TEF: variants seen among roughly 807,000 people sequenced by gnomAD.
TEF encodes TEF transcription factor, PAR bZIP family member, also known as thyrotroph embryonic factor.
In TEF, 3 loss-of-function variants were observed where a neutral mutation model predicts 20.8. The observed-to-expected ratio is 0.14, with a 90% confidence interval of 0.07 to 0.37. The LOEUF (loss-of-function observed/expected upper bound fraction) is 0.37, where lower values mean the gene tolerates loss of function less well. Among genes scored for constraint, TEF ranks in the 10% least tolerant of loss-of-function variants. TEF has a pLI of 1.00. For missense variants in TEF, 296 were observed against 397.9 expected, an observed-to-expected ratio of 0.74 and a Z score of 2.18; for synonymous variants, 180 against 171.1, an observed-to-expected ratio of 1.05 and a Z score of -0.41.
At chr22:41,367,481 G>GC (rs1277760118) in exon 1 of TEF, 2 of 1,531,800 alleles carry the variant, frequency 1.3e-6, no homozygotes. Context: ...CCTGGAGCAA[G>GC]CACCTCCTGC....
intron 1 of TEF, 93 bp from the exon 2 acceptor site, chr22:41,387,257 GA>G (rs2037109063): frequency 1.4e-6 from 2 of 1,389,548 alleles, no homozygotes; most frequent in African/African-American, 1.4e-5. Context: ...GGGGCTCTGA[GA>G]AAGATGGGCC....
At chr22:41,372,573 C>T (rs543322879) in intron 1 of TEF, among the ~76,000 whole-genome samples, 11 of 152,264 alleles carry the variant, frequency 7.2e-5, no homozygotes, top group South Asian at 2.1e-4. Context: ...ACACCAGGCT[C>T]GTGTCTACCC....
At chr22:41,385,605 A>G (rs1259276110) in intron 1 of TEF, among the ~76,000 whole-genome samples, 2 of 152,200 alleles carry the variant, frequency 1.3e-5, no homozygotes, top group Non-Finnish European at 2.9e-5. Context: ...AAGCTAAGGT[A>G]TCAGGAAAGG....
intron 1 of TEF, among the ~76,000 whole-genome samples, chr22:41,383,502 T>C (rs900957635): frequency 6.6e-6 from 1 of 152,224 alleles, no homozygotes; most frequent in Non-Finnish European, 1.5e-5. Flanking sequence ...GACATCATCT[T>C]ATTTCATTAA....
upstream of TEF, among the ~76,000 whole-genome samples, chr22:41,378,165 C>CTTTT (rs1227353344): frequency 1.2e-4 from 11 of 89,446 alleles, no homozygotes; most frequent in African/African-American, 3.4e-4. Context: ...CCTTAGCTTC[C>CTTTT]TTTTTTTTTT....
upstream of TEF, among the ~76,000 whole-genome samples, chr22:41,379,412 C>T (rs1601815318): frequency 6.6e-6 from 1 of 152,062 alleles, no homozygotes; most frequent in African/African-American, 2.4e-5. Flanking sequence ...GAGGCTGAGG[C>T]AGGAGAATCG....
At position 41,393,730 on chromosome 22, in the gene TEF, G is replaced by A. The variant is rs563275958; in HGVS notation, c.476-366G>A. 5.0e-5 allele frequency among the ~76,000 whole-genome samples: 7 copies of A among 139,556 alleles called. No homozygotes were observed. In the South Asian group the frequency reaches 6.7e-4, roughly 13 times the overall value. The allele number at this position is 139,556 out of a possible 152,430, so 91.6% of individuals were successfully genotyped here. A position where few individuals can be genotyped will look rare whatever the true frequency, so the allele number is the denominator to read the frequency against. ...GGAGCTTGCAATGAGCCGAGATTGC[G>A]CCACTGCACTCCAGCCTGGGCGACA... On this transcript the variant is annotated intron_variant, in intron 2 of 3. Coordinates refer to ENST00000266304, the MANE Select transcript of TEF (RefSeq NM_003216.4).
intron 1 of TEF, among the ~76,000 whole-genome samples, chr22:41,369,548 A>C (rs2036856306): frequency 6.6e-6 from 1 of 152,184 alleles, no homozygotes; most frequent in African/African-American, 2.4e-5. Flanking sequence ...ACTCACAATG[A>C]CTGCAGCACA....
chr22:41,394,104 C>T lies in TEF; in HGVS notation c.484C>T (p.Leu162=). 6.2e-7 allele frequency: 1 copy of T among 1,614,036 alleles called. No individual in the cohort carries two copies. The change falls in exon 3 of 4, where the codon CTG becomes TTG. Residue 162 remains leucine, a synonymous_variant. Transcript: ENST00000266304. ...SETVSSTESS[L]EKERETPSPI... ...GTCTCTGTGTCTTTTAGAATCTTCCCTGGAGAAGGAGAGGGAGACTCCCAG... is the reference window on the plus strand; with the variant it reads ...GTCTCTGTGTCTTTTAGAATCTTCCTTGGAGAAGGAGAGGGAGACTCCCAG...
chr22:41,375,137 G>A (rs1000748334), intron 1 of TEF, among the ~76,000 whole-genome samples: 1 of 152,156 alleles, frequency 6.6e-6, no homozygotes, highest in African/African-American at 2.4e-5. Flanking sequence ...CTCTGGAAAG[G>A]GCACTCTTGA....
intron 2 of TEF, among the ~76,000 whole-genome samples, chr22:41,388,627 ATCATCTTCAGAG>A (rs1185123567): frequency 6.6e-6 from 1 of 151,428 alleles, no homozygotes; most frequent in Non-Finnish European, 1.5e-5. Flanking sequence ...CAGGACAAAC[ATCATCTTCAGAG>A]TCTGTCCTTA....
chr22:41,394,369 G>T, intron 3 of TEF, 53 bp downstream of exon 3: 1 of 1,514,106 alleles, frequency 6.6e-7, no homozygotes, highest in Non-Finnish European at 9.0e-7. Context: ...AAGGGCCTAG[G>T]GGATATGGCT....
chr22:41,382,686 C>T (rs1209349810), intron 1 of TEF, among the ~76,000 whole-genome samples: 4 of 152,110 alleles, frequency 2.6e-5, no homozygotes, highest in African/African-American at 2.4e-5. Flanking sequence ...TGGCCTTACC[C>T]CTCCCGGAGG....
intron 1 of TEF, 139 bp from the exon 2 acceptor site, chr22:41,387,212 A>G: frequency 4.3e-6 from 4 of 927,662 alleles, no homozygotes; most frequent in East Asian, 2.6e-5. Context: ...GAACTGGAGA[A>G]TAGAGTAGGT....
chr22:41,374,754 A>C (rs1335222382), intron 1 of TEF, among the ~76,000 whole-genome samples: 1 of 152,068 alleles, frequency 6.6e-6, no homozygotes, highest in Non-Finnish European at 1.5e-5. Context: ...CAGAATCTTA[A>C]CTAAGTTGAA....
chr22:41,394,271 T>G lies in TEF; in HGVS notation c.651T>G (p.Pro217=), dbSNP rs1285527646. The change falls in exon 3 of 4, where the codon CCT becomes CCG. Residue 217 remains proline, a synonymous_variant. Coordinates refer to ENST00000266304, the MANE Select transcript of TEF (RefSeq NM_003216.4). ...KFAEEDLKPQ[P]MIKKAKKVFV... ...CTGAGGAGGACCTGAAGCCCCAGCC[T>G]ATGATCAAAAAGGCCAAGAAGGTCT... 1 of 1,613,954 alleles carries G rather than the reference T, an allele frequency of 6.2e-7. No homozygotes were observed. Among genetic ancestry groups the G allele is most frequent in the Admixed American group, 1.7e-5 (1 of 59,992 alleles).
Position 41,387,709 on chromosome 22 carries a change from A to G in TEF, c.475+41A>G, listed in dbSNP as rs754665771. 1.9e-6 allele frequency: 3 copies of G among 1,555,108 alleles called. No homozygotes were observed. The African/African-American group carries it at 4.1e-5, about 21-fold the overall frequency. ...TCGAGGAGGGCCACCTGTCCCATCC[A>G]GGGAAGTCCATTTCCCACTGAGGGC... is the stretch of plus-strand genomic sequence containing the variant. On this transcript the variant is annotated intron_variant, in intron 2 of 3. Coordinates refer to ENST00000266304, the MANE Select transcript of TEF (RefSeq NM_003216.4).
At position 41,399,064 on chromosome 22, in the gene TEF, T is replaced by A. The variant is rs1047588805; in HGVS notation, c.*3104T>A. On this transcript the variant is annotated 3_prime_UTR_variant, in exon 4 of 4. Transcript: ENST00000266304. The stretch of plus-strand genomic sequence containing the variant: ...GTTTTATTTTTCTAAGTGCATGTGA[T>A]GTGATAGAGTGTGTGGGGCTCTGTG... 1 of 152,678 alleles carries A rather than the reference T, an allele frequency of 6.5e-6. No individual in the cohort carries two copies. Among genetic ancestry groups the A allele is most frequent in the Non-Finnish European group, 1.5e-5 (1 of 68,052 alleles). The allele number at this position is 152,678 out of a possible 1,614,324, so 9.5% of individuals were successfully genotyped here.
At chr22:41,380,625 C>G (rs2037005236), upstream of TEF, among the ~76,000 whole-genome samples, 1 of 152,196 alleles carries the variant, frequency 6.6e-6, no homozygotes, top group Admixed American at 6.5e-5. Flanking sequence ...AAGCTCTCTG[C>G]CTTCCGGGAG....
Sources: gnomAD v4.1 joint callset for allele counts (sites outside exome capture counted in the v4.1 genomes callset) on GRCh38, gnomAD v4.1.1 for gene constraint, MANE v1.5 for transcripts, NCBI Gene and HGNC (gene_info 2026-07-23, HGNC 2026-07-21) for gene names.